STAU2: variants seen among roughly 807,000 people sequenced by gnomAD.
STAU2 encodes the protein staufen double-stranded RNA binding protein 2.
A neutral mutation model predicts 65.9 loss-of-function variants in STAU2; 20 were observed. That is an observed-to-expected ratio of 0.30 (90% CI 0.21 to 0.44). The LOEUF is 0.44. STAU2 is among the 20% of genes least tolerant of loss of function. The pLI is 1.00. For synonymous variants in STAU2, 232 were observed against 233.9 expected (o/e 0.99, Z 0.07); for missense variants, 558 against 683.9 (o/e 0.82, Z 2.05).
chr8:73,617,478 A>C (rs1280158000), intron 6 of STAU2, 27 bp from the exon 7 acceptor site: 1 of 1,602,380 alleles, frequency 6.2e-7, no homozygotes, highest in Admixed American at 1.7e-5. Context: ...AAAACATTAA[A>C]GTTAGCTTAA....
chr8:73,422,595 T>C lies in STAU2; in HGVS notation c.1619+19A>G. 6.7e-7 allele frequency: 1 copy of C among 1,489,250 alleles called. No individual in the cohort carries two copies. The highest frequency in any genetic ancestry group is 8.9e-7 in the Non-Finnish European group (1 of 1,124,316). 92.3% of individuals were successfully genotyped at this position (1,489,250 alleles called of 1,614,324 possible). A position where few individuals can be genotyped will look rare whatever the true frequency, so the allele number is the denominator to read the frequency against. On this transcript the variant is annotated intron_variant, in intron 14 of 14. Coordinates refer to ENST00000524300, the MANE Select transcript of STAU2 (RefSeq NM_001164380.2). ...GTTACAATTAAAAGTGTAAGAATAC[T>C]GACAGGGGATTTACTCACTTTTCAA...
At chr8:73,579,467 T>C (rs1030022766) in intron 12 of STAU2, among the ~76,000 whole-genome samples, 6 of 152,266 alleles carry the variant, frequency 3.9e-5, no homozygotes, top group African/African-American at 1.2e-4. Context: ...ATAAGAAACA[T>C]GGAATGTGAA....
chr8:73,436,745 C>T (rs532703571), intron 13 of STAU2, among the ~76,000 whole-genome samples: 1 of 152,128 alleles, frequency 6.6e-6, no homozygotes, highest in Non-Finnish European at 1.5e-5. Context: ...CACCACCACA[C>T]CCAGCTGATT....
intron 6 of STAU2, among the ~76,000 whole-genome samples, chr8:73,646,557 C>T (rs1343666750): frequency 6.6e-6 from 1 of 152,144 alleles, no homozygotes; most frequent in Non-Finnish European, 1.5e-5. Flanking sequence ...TTGACCTAAA[C>T]ATGACACCTG....
rs1816323480 is a variant in STAU2, at chr8:73,420,607, A to G, written c.*765T>C. On this transcript the variant is annotated 3_prime_UTR_variant, in exon 15 of 15. Coordinates refer to ENST00000524300, the MANE Select transcript of STAU2 (RefSeq NM_001164380.2). ...GATGGGGGTGGGCGCGATTCCCACA[A>G]CAGGGAGTGGAATCCGGGAAGATGA... The G allele has an allele frequency of 5.7e-6, 1 of 175,498 alleles. No individual in the cohort carries two copies. The highest frequency in any genetic ancestry group is 1.2e-5 in the Non-Finnish European group (1 of 80,838). 10.9% of individuals were successfully genotyped at this position (175,498 alleles called of 1,614,324 possible).
intron 13 of STAU2, among the ~76,000 whole-genome samples, chr8:73,489,576 G>A (rs1316590179): frequency 6.6e-6 from 1 of 151,994 alleles, no homozygotes; most frequent in Admixed American, 6.6e-5. Context: ...TTGATCACCA[G>A]ACTTAGATTG....
chr8:73,621,572 T>C (rs1813236919), intron 6 of STAU2, among the ~76,000 whole-genome samples: 1 of 152,324 alleles, frequency 6.6e-6, no homozygotes, highest in Middle Eastern at 3.4e-3. Context: ...GGTCAATGTT[T>C]AGATCCCCAT....
intron 5 of STAU2, among the ~76,000 whole-genome samples, chr8:73,679,274 C>CA (rs1325545774): frequency 2.0e-5 from 3 of 152,132 alleles, no homozygotes; most frequent in Non-Finnish European, 4.4e-5. Flanking sequence ...TGATGGATAT[C>CA]AGGCAGGACT....
chr8:73,690,030 C>T (rs1282459077), intron 4 of STAU2, among the ~76,000 whole-genome samples: 1 of 150,456 alleles, frequency 6.6e-6, no homozygotes, highest in Non-Finnish European at 1.5e-5. Flanking sequence ...GCAGGGAGGA[C>T]ACTAAAGAGA....
At chr8:73,512,629 A>C (rs1302398023) in intron 13 of STAU2, among the ~76,000 whole-genome samples, 1 of 151,812 alleles carries the variant, frequency 6.6e-6, no homozygotes, top group East Asian at 1.9e-4. Context: ...CTTGTTTATC[A>C]GTTCTAATAG....
chr8:73,710,724 C>A lies in STAU2; in HGVS notation c.-17-1562G>T, dbSNP rs1171384164. Among the ~76,000 whole-genome samples the A allele has an allele frequency of 2.6e-5, 4 of 151,678 alleles. No individual in the cohort carries two copies. In the South Asian group the frequency reaches 6.2e-4, roughly 24 times the overall value. ...CACATTTAATTACTTTTTTCTTTCACTTCCCATAAAAAATGCCAAAATATA... is the reference window on the plus strand; with the variant it reads ...CACATTTAATTACTTTTTTCTTTCAATTCCCATAAAAAATGCCAAAATATA... On this transcript the variant is annotated intron_variant, in intron 3 of 14. Coordinates refer to ENST00000524300, the MANE Select transcript of STAU2 (RefSeq NM_001164380.2).
At chr8:73,722,702 T>C (rs1444843049) in intron 3 of STAU2, among the ~76,000 whole-genome samples, 1 of 152,222 alleles carries the variant, frequency 6.6e-6, no homozygotes, top group African/African-American at 2.4e-5. Context: ...CTCTTTATCA[T>C]TTGCTTTCAA....
At chr8:73,693,951 C>T (rs1308147410) in intron 4 of STAU2, among the ~76,000 whole-genome samples, 1 of 152,150 alleles carries the variant, frequency 6.6e-6, no homozygotes, top group Non-Finnish European at 1.5e-5. Context: ...AAACTACATG[C>T]TACCTACAAA....
intron 13 of STAU2, among the ~76,000 whole-genome samples, chr8:73,457,182 G>T (rs1175540380): frequency 6.6e-6 from 1 of 150,992 alleles, no homozygotes; most frequent in East Asian, 1.9e-4. Context: ...ATGGAAAATG[G>T]CGAGAATACT....
intron 6 of STAU2, among the ~76,000 whole-genome samples, chr8:73,650,961 T>C (rs1245634830): frequency 6.6e-6 from 1 of 152,236 alleles, no homozygotes; most frequent in East Asian, 1.9e-4. Flanking sequence ...GGAACATCTT[T>C]GAGGAAATGA....
intron 13 of STAU2, among the ~76,000 whole-genome samples, chr8:73,458,378 A>C (rs1819178631): frequency 6.6e-6 from 1 of 152,220 alleles, no homozygotes; most frequent in Non-Finnish European, 1.5e-5. Flanking sequence ...TAATGTACAA[A>C]CACCTTTTTA....
intron 12 of STAU2, among the ~76,000 whole-genome samples, chr8:73,576,119 T>C (rs752463392): frequency 2.0e-5 from 3 of 152,114 alleles, no homozygotes; most frequent in Non-Finnish European, 2.9e-5. Context: ...TTCTTGTAAA[T>C]TTGAACTTAC....
chr8:73,571,099 G>T (rs1191434777), intron 12 of STAU2, among the ~76,000 whole-genome samples: 1 of 152,148 alleles, frequency 6.6e-6, no homozygotes, highest in African/African-American at 2.4e-5. Context: ...TGCAATCCTA[G>T]TCTCTGACAA....
chr8:73,725,063 A>G (rs745626860), intron 3 of STAU2, among the ~76,000 whole-genome samples: 6 of 152,208 alleles, frequency 3.9e-5, no homozygotes, highest in Non-Finnish European at 8.8e-5. Flanking sequence ...TAACACCATC[A>G]TAAGTCAAGG....
Sources: allele counts gnomAD v4.1 joint callset (sites outside exome capture counted in the v4.1 genomes callset), GRCh38; gene constraint gnomAD v4.1.1; transcripts MANE v1.5; gene names NCBI Gene and HGNC (gene_info 2026-07-23, HGNC 2026-07-21).